Variants in ATP2B2 observed in about 807,000 individuals in gnomAD.
ATP2B2 encodes plasma membrane calcium-transporting ATPase 2.
A neutral mutation model predicts 120.0 loss-of-function variants in ATP2B2; 15 were observed. That is an observed-to-expected ratio of 0.12 (90% CI 0.08 to 0.19). The LOEUF is 0.19. Ranked by LOEUF, ATP2B2 falls within the 10% of genes least tolerant of loss-of-function variation. ATP2B2 has a pLI of 1.00. For missense variants in ATP2B2, 1,045 were observed against 1,719.8 expected, an observed-to-expected ratio of 0.61 and a Z score of 6.94; for synonymous variants, 694 against 700.3, an observed-to-expected ratio of 0.99 and a Z score of 0.14.
At chr3:10,490,344 G>C (rs1030422002) in intron 1 of ATP2B2, among the ~76,000 whole-genome samples, 1 of 150,800 alleles carries the variant, frequency 6.6e-6, no homozygotes, top group Non-Finnish European at 1.5e-5. Flanking sequence ...GAGGGATATT[G>C]TAATCAAATA....
intron 13 of ATP2B2, among the ~76,000 whole-genome samples, chr3:10,359,539 C>T (rs181951166): frequency 6.8e-4 from 104 of 152,234 alleles, no homozygotes; most frequent in African/African-American, 1.8e-3. Context: ...TCAACCAACT[C>T]TACGCTAAAG....
At chr3:10,438,117 G>T (rs1224454288) in intron 2 of ATP2B2, among the ~76,000 whole-genome samples, 3 of 152,188 alleles carry the variant, frequency 2.0e-5, no homozygotes, top group Non-Finnish European at 2.9e-5. Context: ...CCCACTGTGT[G>T]CTGGGCAAGT....
chr3:10,416,439 T>C (rs1406583114), intron 2 of ATP2B2, among the ~76,000 whole-genome samples: 1 of 152,078 alleles, frequency 6.6e-6, no homozygotes, highest in East Asian at 1.9e-4. Flanking sequence ...ATTAAAGAGG[T>C]TTCATTTGGT....
chr3:10,506,849 C>A (rs960130963), upstream of ATP2B2, among the ~76,000 whole-genome samples: 1 of 152,254 alleles, frequency 6.6e-6, no homozygotes, highest in Non-Finnish European at 1.5e-5. Context: ...GCCCGAGCGT[C>A]CCGAGCTGCC....
At chr3:10,661,844 A>C (rs1473827905) in intron 1 of ATP2B2, among the ~76,000 whole-genome samples, 5 of 152,262 alleles carry the variant, frequency 3.3e-5, no homozygotes, top group Non-Finnish European at 7.3e-5. Context: ...ACCTGACTTC[A>C]AACTATACTA....
At chr3:10,559,741 T>C (rs1468244762) in intron 2 of ATP2B2, among the ~76,000 whole-genome samples, 1 of 152,202 alleles carries the variant, frequency 6.6e-6, no homozygotes, top group African/African-American at 2.4e-5. Context: ...AAGATTTATC[T>C]TGGGCTTGAG....
At chr3:10,678,828 C>T (rs567763233) in intron 1 of ATP2B2, among the ~76,000 whole-genome samples, 1 of 152,310 alleles carries the variant, frequency 6.6e-6, no homozygotes, top group African/African-American at 2.4e-5. Context: ...CTAAAAATCT[C>T]CTCCTGGGTG....
intron 1 of ATP2B2, among the ~76,000 whole-genome samples, chr3:10,462,179 CCTT>C (rs1225313303): frequency 4.6e-5 from 7 of 152,208 alleles, no homozygotes; most frequent in African/African-American, 1.7e-4. Context: ...CCAGAACCGA[CCTT>C]CTTGTGGTTG....
At chr3:10,606,347 G>A (rs2125599408) in intron 2 of ATP2B2, among the ~76,000 whole-genome samples, 1 of 152,274 alleles carries the variant, frequency 6.6e-6, no homozygotes, top group African/African-American at 2.4e-5. Context: ...CATGTCAAGA[G>A]CCTGGCTTGT....
chr3:10,520,849 C>T (rs1327909104), intron 3 of ATP2B2, among the ~76,000 whole-genome samples: 11 of 151,028 alleles, frequency 7.3e-5, no homozygotes, highest in African/African-American at 1.7e-4. Context: ...ATATGGCATA[C>T]GTGGCTTCGG....
intron 2 of ATP2B2, among the ~76,000 whole-genome samples, chr3:10,423,226 T>C (rs1262489950): frequency 6.6e-6 from 1 of 152,220 alleles, no homozygotes; most frequent in African/African-American, 2.4e-5. Context: ...GCCCTGTATT[T>C]TTCTTTGTTA....
chr3:10,422,730 G>T (rs776685254), intron 2 of ATP2B2, among the ~76,000 whole-genome samples: 3 of 152,256 alleles, frequency 2.0e-5, no homozygotes, highest in Non-Finnish European at 4.4e-5. Context: ...TTCTTTGCAA[G>T]CATGTGGACG....
rs574183213 is a variant in ATP2B2, at chr3:10,416,344, C to T, written c.200-5529G>A. Among the ~76,000 whole-genome samples the T allele has an allele frequency of 3.3e-5, 5 of 152,316 alleles. No homozygotes were observed. In the East Asian group the frequency reaches 9.7e-4, roughly 29 times the overall value. ...TCTTCCCCAGCCTCTAAACCTCTGC[C>T]CTGGCCATTCCCATTCCTTTGCTTG... On this transcript the variant is annotated intron_variant, in intron 2 of 22. Transcript: ENST00000360273.
chr3:10,393,104 A>G (rs1278299886), intron 5 of ATP2B2, among the ~76,000 whole-genome samples: 2 of 152,202 alleles, frequency 1.3e-5, no homozygotes, highest in East Asian at 3.9e-4. Context: ...CCTGCCCTCC[A>G]GGAGCTCACA....
intron 3 of ATP2B2, among the ~76,000 whole-genome samples, chr3:10,512,465 C>CGCACACAG (rs1553623910): frequency 0.049 from 543 of 11,094 alleles, 6 homozygotes; most frequent in Middle Eastern, 0.18. Flanking sequence ...AGTGTGTGCG[C>CGCACACAG]ACACACACAC....
intron 2 of ATP2B2, among the ~76,000 whole-genome samples, chr3:10,548,334 C>A (rs2067594905): frequency 6.6e-6 from 1 of 152,330 alleles, no homozygotes; most frequent in South Asian, 2.1e-4. Context: ...GATCTAACCA[C>A]CATGGGGCAA....
intron 2 of ATP2B2, among the ~76,000 whole-genome samples, chr3:10,571,827 T>C (rs2068135060): frequency 6.6e-6 from 1 of 152,236 alleles, no homozygotes; most frequent in Admixed American, 6.5e-5. Context: ...GCCAATCCTT[T>C]AAACAGTCTG....
At chr3:10,513,018 C>T (rs2066803516) in intron 3 of ATP2B2, among the ~76,000 whole-genome samples, 1 of 152,218 alleles carries the variant, frequency 6.6e-6, no homozygotes, top group African/African-American at 2.4e-5. Context: ...ATCTCCTTCC[C>T]AGGTTCTGTG....
chr3:10,582,771 G>C (rs2068421427), intron 2 of ATP2B2, among the ~76,000 whole-genome samples: 1 of 152,198 alleles, frequency 6.6e-6, no homozygotes. Context: ...ATTGTGATGG[G>C]CTACCAGAGG....
Sources: gnomAD v4.1 joint callset for allele counts (sites outside exome capture counted in the v4.1 genomes callset) on GRCh38, gnomAD v4.1.1 for gene constraint, MANE v1.5 for transcripts, NCBI Gene and HGNC (gene_info 2026-07-23, HGNC 2026-07-21) for gene names.